Variants in LRRC4C observed in about 807,000 individuals in gnomAD.
LRRC4C encodes leucine-rich repeat-containing protein 4C.
Under a neutral mutation model 33.6 loss-of-function variants are expected in LRRC4C, and 5 were observed. That is an observed-to-expected ratio of 0.15 (90% CI 0.08 to 0.31). LRRC4C has a LOEUF of 0.31. Ranked by LOEUF, LRRC4C falls within the 10% of genes least tolerant of loss-of-function variation. LRRC4C has a pLI of 1.00. For synonymous variants in LRRC4C, 329 were observed against 302.0 expected (o/e 1.09, Z -0.93); for missense variants, 560 against 796.7 (o/e 0.70, Z 3.58).
At chr11:40,629,807 T>C (rs1963296027) in intron 3 of LRRC4C, among the ~76,000 whole-genome samples, 1 of 151,832 alleles carries the variant, frequency 6.6e-6, no homozygotes, top group Non-Finnish European at 1.5e-5. Flanking sequence ...CATTTGCCTC[T>C]TTATTTTATA....
At chr11:40,575,536 C>A (rs1474350991) in intron 3 of LRRC4C, among the ~76,000 whole-genome samples, 1 of 152,076 alleles carries the variant, frequency 6.6e-6, no homozygotes, top group Non-Finnish European at 1.5e-5. Context: ...AATTATTTTA[C>A]TAAAAAGTCT....
intron 1 of LRRC4C, among the ~76,000 whole-genome samples, chr11:40,938,807 C>T (rs76236376): frequency 0.083 from 12,627 of 152,014 alleles, 704 homozygotes; most frequent in African/African-American, 0.15. Context: ...TATTTAATTG[C>T]ACAAATTTCA....
At chr11:40,832,874 A>G (rs945202264) in intron 2 of LRRC4C, among the ~76,000 whole-genome samples, 1 of 152,156 alleles carries the variant, frequency 6.6e-6, no homozygotes, top group Non-Finnish European at 1.5e-5. Flanking sequence ...ATATAAAATC[A>G]TCCGAGTTCA....
At chr11:41,364,465 G>A (rs1445514408) in intron 1 of LRRC4C, among the ~76,000 whole-genome samples, 1 of 151,944 alleles carries the variant, frequency 6.6e-6, no homozygotes, top group Non-Finnish European at 1.5e-5. Flanking sequence ...TTAGTAGGAC[G>A]AGGTTTCACC....
intron 5 of LRRC4C, among the ~76,000 whole-genome samples, chr11:40,214,975 C>A (rs11605514): frequency 1.3e-5 from 2 of 152,178 alleles, no homozygotes; most frequent in Non-Finnish European, 2.9e-5. Context: ...TTGTACTGTG[C>A]GCAGCCTGTG....
chr11:41,447,247 G>C (rs1955853991), intron 1 of LRRC4C, among the ~76,000 whole-genome samples: 1 of 152,046 alleles, frequency 6.6e-6, no homozygotes, highest in African/African-American at 2.4e-5. Flanking sequence ...CTGTAAACTA[G>C]ACATAATAAT....
At chr11:40,416,615 C>G (rs184415980) in intron 3 of LRRC4C, among the ~76,000 whole-genome samples, 55 of 152,270 alleles carry the variant, frequency 3.6e-4, no homozygotes, top group African/African-American at 1.3e-3. Context: ...AAAAACCACC[C>G]TGTATCAATT....
intron 5 of LRRC4C, among the ~76,000 whole-genome samples, chr11:40,213,207 A>G (rs1438258223): frequency 6.6e-6 from 1 of 152,150 alleles, no homozygotes; most frequent in Admixed American, 6.5e-5. Context: ...AAAGTTTGGA[A>G]ATAATGTCCA....
intron 1 of LRRC4C, among the ~76,000 whole-genome samples, chr11:41,260,705 A>G (rs1392980595): frequency 6.6e-6 from 1 of 152,062 alleles, no homozygotes; most frequent in Non-Finnish European, 1.5e-5. Flanking sequence ...CAAAAACAAA[A>G]CTTAGGAAGA....
At chr11:40,906,178 T>C (rs535259747) in intron 2 of LRRC4C, among the ~76,000 whole-genome samples, 6 of 152,200 alleles carry the variant, frequency 3.9e-5, no homozygotes, top group Admixed American at 2.6e-4. Context: ...CTGAGGTAGA[T>C]ACTTTGTTTC....
intron 3 of LRRC4C, among the ~76,000 whole-genome samples, chr11:40,643,528 A>G (rs1026419722): frequency 6.6e-6 from 1 of 152,006 alleles, no homozygotes; most frequent in Non-Finnish European, 1.5e-5. Flanking sequence ...TTCTACCCCT[A>G]CCATCCCTAT....
At chr11:40,443,129 C>G (rs1165090778) in intron 3 of LRRC4C, among the ~76,000 whole-genome samples, 3 of 152,150 alleles carry the variant, frequency 2.0e-5, no homozygotes, top group Non-Finnish European at 1.5e-5. Flanking sequence ...TATGATCAAT[C>G]AGGCATCTGG....
At chr11:40,615,371 G>T (rs904766180) in intron 3 of LRRC4C, among the ~76,000 whole-genome samples, 9 of 150,586 alleles carry the variant, frequency 6.0e-5, no homozygotes, top group Admixed American at 1.3e-4. Flanking sequence ...CCAGCAACCT[G>T]AACTCTATTT....
rs370253838 is a variant in LRRC4C, at chr11:40,133,768, T to C, written c.-43+7033A>G. ...GAACCAGTGAGGCTTGAGCAATCAG[T>C]GAAAGGTATGTGGACAGTGGATCTA... On this transcript the variant is annotated intron_variant, in intron 6 of 6. Coordinates refer to ENST00000528697, the MANE Select transcript of LRRC4C (RefSeq NM_001258419.2). Among the ~76,000 whole-genome samples, 34 of 152,122 alleles carry C rather than the reference T, an allele frequency of 2.2e-4. No homozygotes were observed. The South Asian group carries it at 6.2e-3, about 28-fold the overall frequency.
chr11:41,326,578 A>C (rs1056778203), intron 1 of LRRC4C, among the ~76,000 whole-genome samples: 1 of 152,146 alleles, frequency 6.6e-6, no homozygotes, highest in African/African-American at 2.4e-5. Context: ...AAATATAAAA[A>C]ATTTAAAAAT....
At chr11:41,117,832 A>C (rs1173972937) in intron 1 of LRRC4C, among the ~76,000 whole-genome samples, 1 of 152,158 alleles carries the variant, frequency 6.6e-6, no homozygotes, top group African/African-American at 2.4e-5. Context: ...AATTCGCATT[A>C]GCTTATTTTA....
chr11:40,821,177 T>C (rs1361117410), intron 2 of LRRC4C, among the ~76,000 whole-genome samples: 2 of 151,720 alleles, frequency 1.3e-5, no homozygotes, highest in Admixed American at 1.3e-4. Context: ...ATGTATTTCA[T>C]GTTCATGGAT....
chr11:40,633,834 T>C (rs1591330700), intron 3 of LRRC4C, among the ~76,000 whole-genome samples: 1 of 152,298 alleles, frequency 6.6e-6, no homozygotes, highest in East Asian at 1.9e-4. Flanking sequence ...TTCTACAGTG[T>C]TTGATTTGTA....
At chr11:40,397,325 T>C (rs2137509949) in intron 3 of LRRC4C, among the ~76,000 whole-genome samples, 1 of 152,188 alleles carries the variant, frequency 6.6e-6, no homozygotes, top group Admixed American at 6.6e-5. Flanking sequence ...AAGCAAAACA[T>C]ATGGCATGAT....
Sources: gnomAD v4.1 joint callset for allele counts (sites outside exome capture counted in the v4.1 genomes callset) on GRCh38, gnomAD v4.1.1 for gene constraint, MANE v1.5 for transcripts, NCBI Gene and HGNC (gene_info 2026-07-23, HGNC 2026-07-21) for gene names.